The following MAP4K5 variants were observed in gnomAD, a reference collection of about 807,000 sequenced individuals.
MAP4K5 encodes the protein MAPK/ERK kinase kinase kinase 5.
A neutral mutation model predicts 135.6 loss-of-function variants in MAP4K5; 82 were observed. The ratio of observed to expected loss-of-function variants is 0.60; its 90% confidence interval spans 0.51 to 0.73. The LOEUF is 0.73. MAP4K5 is among the 30% of genes least tolerant of loss of function. MAP4K5 has a pLI of 0.00. For missense variants in MAP4K5, 907 were observed against 1,010.9 expected (o/e 0.90, Z 1.39); for synonymous variants, 347 against 335.0 (o/e 1.04, Z -0.39).
chr14:50,421,552 G>A (rs560505370), intron 32 of MAP4K5, among the ~76,000 whole-genome samples: 45 of 151,832 alleles, frequency 3.0e-4, no homozygotes, highest in African/African-American at 9.9e-4. Context: ...ATGAGTCACC[G>A]CGCCCGGCAA....
intron 2 of MAP4K5, among the ~76,000 whole-genome samples, chr14:50,525,785 A>G (rs1475085851): frequency 3.3e-5 from 5 of 152,188 alleles, no homozygotes; most frequent in African/African-American, 1.2e-4. Flanking sequence ...CGGAGGGTCT[A>G]GTGAGCTGAG....
chr14:50,473,825 G>A (rs995900933), intron 9 of MAP4K5, among the ~76,000 whole-genome samples: 6 of 144,766 alleles, frequency 4.1e-5, no homozygotes, highest in East Asian at 2.2e-4. Context: ...CTGGGTTCAC[G>A]CCCTTCTCCT....
intron 2 of MAP4K5, among the ~76,000 whole-genome samples, chr14:50,522,488 C>G (rs554861233): frequency 2.8e-4 from 43 of 152,218 alleles, no homozygotes; most frequent in African/African-American, 1.0e-3. Context: ...AGATTTTACC[C>G]AGATGACTTT....
chr14:50,498,039 T>C (rs1266983142), intron 3 of MAP4K5, among the ~76,000 whole-genome samples: 3 of 152,154 alleles, frequency 2.0e-5, no homozygotes, highest in Non-Finnish European at 4.4e-5. Flanking sequence ...TGATGGTAAG[T>C]TTTCCCACAA....
chr14:50,560,554 C>A (rs777890966), intron 1 of MAP4K5: 15 of 542,620 alleles, frequency 2.8e-5, no homozygotes, highest in African/African-American at 7.6e-5. Context: ...TTCCCCACCC[C>A]CCTCCCGCCT....
At chr14:50,434,624 A>G in intron 27 of MAP4K5, 53 bp from the exon 28 acceptor site, 2 of 1,488,754 alleles carry the variant, frequency 1.3e-6, no homozygotes, top group Non-Finnish European at 1.8e-6. Context: ...CTCCCCATTC[A>G]TACCACTGTT....
intron 1 of MAP4K5, among the ~76,000 whole-genome samples, chr14:50,548,775 A>C (rs1380190622): frequency 6.6e-6 from 1 of 151,994 alleles, no homozygotes; most frequent in African/African-American, 2.4e-5. Context: ...CTCCCAAAGT[A>C]CTGGGATTAC....
At position 50,429,222 on chromosome 14, in the gene MAP4K5, C is replaced by T; in HGVS notation, c.2203G>A (p.Glu735Lys). 6.4e-7 allele frequency: 1 copy of T among 1,562,998 alleles called. No individual in the cohort carries two copies. The highest frequency in any genetic ancestry group is 8.7e-7 in the Non-Finnish European group (1 of 1,152,020). Residue 735 changes from glutamate (E) to lysine (K), a missense_variant, in exon 29 of 33, where the codon GAG (glutamate) becomes AAG (lysine). Transcript: ENST00000682126. Reference protein sequence around the residue: ...QLDSIHVTQLERDTVLVCLDK... With the variant: ...QLDSIHVTQLKRDTVLVCLDK... ...AAACACACTAAAACGGTATCTCTCTCCAACTGTGTTACATGAATGGAATCT... is the reference window on the plus strand; with the variant it reads ...AAACACACTAAAACGGTATCTCTCTTCAACTGTGTTACATGAATGGAATCT...
intron 5 of MAP4K5, among the ~76,000 whole-genome samples, chr14:50,484,928 T>A (rs2037331714): frequency 6.6e-6 from 1 of 151,784 alleles, no homozygotes; most frequent in African/African-American, 2.4e-5. Context: ...GCAATGGGAG[T>A]TTTACTATCC....
intron 2 of MAP4K5, among the ~76,000 whole-genome samples, chr14:50,520,370 G>A (rs377631221): frequency 1.1e-4 from 17 of 152,092 alleles, no homozygotes; most frequent in African/African-American, 3.4e-4. Context: ...GCATGGCAGC[G>A]TGCGCCTGTA....
At chr14:50,535,336 C>A (rs1030937452), upstream of MAP4K5, among the ~76,000 whole-genome samples, 1 of 152,174 alleles carries the variant, frequency 6.6e-6, no homozygotes, top group African/African-American at 2.4e-5. Flanking sequence ...TTATCCAAGA[C>A]AAAATGGCTA....
chr14:50,484,684 T>C (rs758878726), intron 5 of MAP4K5, among the ~76,000 whole-genome samples: 19 of 152,160 alleles, frequency 1.2e-4, no homozygotes, highest in Non-Finnish European at 2.4e-4. Flanking sequence ...TATTACAGGT[T>C]GAAGAGTAGT....
intron 9 of MAP4K5, among the ~76,000 whole-genome samples, chr14:50,472,960 T>C (rs1010570840): frequency 6.6e-6 from 1 of 152,218 alleles, no homozygotes; most frequent in Non-Finnish European, 1.5e-5. Context: ...CAGTGGCTCA[T>C]TCTTAATGAG....
At chr14:50,542,964 T>A (rs1455848167) in intron 1 of MAP4K5, among the ~76,000 whole-genome samples, 4 of 152,206 alleles carry the variant, frequency 2.6e-5, no homozygotes, top group African/African-American at 9.7e-5. Context: ...AGGAAGAAGA[T>A]TTGAGATAAG....
At chr14:50,437,354 C>A (rs1301376962) in intron 26 of MAP4K5, 122 bp downstream of exon 26, 1 of 730,572 alleles carries the variant, frequency 1.4e-6, no homozygotes. Context: ...AGCTTAACTT[C>A]TTACTAAACA....
chr14:50,440,516 T>C (rs1298690568), intron 21 of MAP4K5, 75 bp from the exon 22 acceptor site: 2 of 743,928 alleles, frequency 2.7e-6, no homozygotes, highest in Non-Finnish European at 4.5e-6. Flanking sequence ...TGACTTTACA[T>C]TGTAATGGCA....
intron 2 of MAP4K5, among the ~76,000 whole-genome samples, chr14:50,515,359 T>C (rs989253177): frequency 6.6e-6 from 1 of 152,108 alleles, no homozygotes; most frequent in African/African-American, 2.4e-5. Context: ...TTCTAATCAC[T>C]ATCTCCTATC....
chr14:50,471,318 TA>T (rs2036956786), intron 9 of MAP4K5, among the ~76,000 whole-genome samples: 1 of 152,172 alleles, frequency 6.6e-6, no homozygotes, highest in African/African-American at 2.4e-5. Context: ...AGAATATATA[TA>T]TTTTTTAGGT....
At chr14:50,426,508 T>C (rs2035850351) in intron 30 of MAP4K5, among the ~76,000 whole-genome samples, 1 of 152,256 alleles carries the variant, frequency 6.6e-6, no homozygotes, top group East Asian at 1.9e-4. Context: ...GTGGATCACC[T>C]GAGGTCAGGA....
Sources: allele counts gnomAD v4.1 joint callset (sites outside exome capture counted in the v4.1 genomes callset), GRCh38; gene constraint gnomAD v4.1.1; transcripts MANE v1.5; gene names NCBI Gene and HGNC (gene_info 2026-07-23, HGNC 2026-07-21).